Variants in ANKFN1 observed in about 807,000 individuals in gnomAD.
The protein encoded by ANKFN1 is ankyrin repeat and fibronectin type-III domain-containing protein 1.
In ANKFN1, 74 loss-of-function variants were observed where a neutral mutation model predicts 108.7. The observed-to-expected ratio is 0.68, with a 90% CI of 0.56 to 0.83. The LOEUF (loss-of-function observed/expected upper bound fraction) is 0.83. ANKFN1 is among the 40% of genes least tolerant of loss of function. The pLI is 0.00. For synonymous variants in ANKFN1, 547 were observed against 516.2 expected (o/e 1.06, Z -0.81); for missense variants, 1,505 against 1,382.3 (o/e 1.09, Z -1.41).
At chr17:56,383,960 CCT>C in intron 8 of ANKFN1, among the ~76,000 whole-genome samples, 2 of 152,292 alleles carry the variant, frequency 1.3e-5, no homozygotes, top group Middle Eastern at 6.8e-3. Flanking sequence ...AAGAGGGAAT[CCT>C]CTCTAAGTCA....
chr17:56,294,781 A>G (rs1302177191), intron 3 of ANKFN1, among the ~76,000 whole-genome samples: 4 of 152,204 alleles, frequency 2.6e-5, no homozygotes, highest in Non-Finnish European at 5.9e-5. Context: ...ACTAAATGCT[A>G]ATTCTAAACT....
intron 1 of ANKFN1, among the ~76,000 whole-genome samples, chr17:56,198,786 G>T (rs1322663541): frequency 1.3e-5 from 2 of 152,092 alleles, no homozygotes; most frequent in Non-Finnish European, 2.9e-5. Flanking sequence ...AGACACCTGG[G>T]TCTGTTTCTG....
At chr17:56,416,290 G>A (rs968311484) in intron 8 of ANKFN1, among the ~76,000 whole-genome samples, 6 of 152,210 alleles carry the variant, frequency 3.9e-5, no homozygotes, top group African/African-American at 1.2e-4. Context: ...GAAAATGTTT[G>A]CAAACTACCC....
At chr17:56,185,462 C>T (rs1912101144) in intron 1 of ANKFN1, among the ~76,000 whole-genome samples, 1 of 152,132 alleles carries the variant, frequency 6.6e-6, no homozygotes, top group Non-Finnish European at 1.5e-5. Flanking sequence ...TGTGGAAAAA[C>T]ATCCCTAAGA....
chr17:56,343,682 T>G (rs1353718166), intron 4 of ANKFN1, among the ~76,000 whole-genome samples: 2 of 151,940 alleles, frequency 1.3e-5, no homozygotes, highest in Admixed American at 6.6e-5. Context: ...TATACCTCTC[T>G]TCTTCTCCTG....
chr17:56,284,891 C>T (rs1441224017), intron 3 of ANKFN1, among the ~76,000 whole-genome samples: 2 of 152,068 alleles, frequency 1.3e-5, no homozygotes, highest in African/African-American at 4.8e-5. Context: ...TAAAGAAGAG[C>T]AGGAAAATTC....
At chr17:56,320,768 A>T (rs1271128249) in intron 3 of ANKFN1, among the ~76,000 whole-genome samples, 5 of 152,172 alleles carry the variant, frequency 3.3e-5, no homozygotes, top group African/African-American at 1.2e-4. Flanking sequence ...AAGTGTTTGT[A>T]ACCTCCTTTA....
At chr17:56,259,387 T>C (rs958215123) in intron 3 of ANKFN1, among the ~76,000 whole-genome samples, 1 of 152,192 alleles carries the variant, frequency 6.6e-6, no homozygotes. Flanking sequence ...TTAATGTATA[T>C]GATATGCCAA....
intron 4 of ANKFN1, among the ~76,000 whole-genome samples, chr17:56,065,655 G>A (rs1054521163): frequency 2.6e-5 from 4 of 152,174 alleles, no homozygotes; most frequent in African/African-American, 9.7e-5. Context: ...CCAAAGAGAG[G>A]AAGAGAGATG....
chr17:56,230,516 G>A (rs1414385902), intron 3 of ANKFN1, among the ~76,000 whole-genome samples: 1 of 151,998 alleles, frequency 6.6e-6, no homozygotes, highest in East Asian at 1.9e-4. Context: ...GGAGTCCTTG[G>A]GATTCTGGTG....
chr17:56,267,360 G>A (rs1279566938), intron 3 of ANKFN1, among the ~76,000 whole-genome samples: 1 of 152,136 alleles, frequency 6.6e-6, no homozygotes, highest in Non-Finnish European at 1.5e-5. Context: ...CCCCTTGGTA[G>A]TTGTCTGTTT....
At chr17:56,297,818 T>C (rs2044557571) in intron 3 of ANKFN1, among the ~76,000 whole-genome samples, 1 of 152,190 alleles carries the variant, frequency 6.6e-6, no homozygotes, top group African/African-American at 2.4e-5. Context: ...GGTAAAGAAA[T>C]ATGAAACCTC....
At chr17:56,367,315 G>A (rs1469530257) in intron 6 of ANKFN1, among the ~76,000 whole-genome samples, 1 of 152,218 alleles carries the variant, frequency 6.6e-6, no homozygotes, top group Non-Finnish European at 1.5e-5. Flanking sequence ...GCAAAGTTAA[G>A]AAACTGTAAG....
At chr17:56,422,341 C>CAAATATTTTGAT (rs11268734) in intron 8 of ANKFN1, among the ~76,000 whole-genome samples, 119,946 of 151,382 alleles carry the variant, frequency 0.79, 47,804 homozygotes, top group East Asian at 0.96. Context: ...GGTTTTATAC[C>CAAATATTTTGAT]AAATATTTTG....
At chr17:56,079,619 C>A (rs914668521) in intron 4 of ANKFN1, among the ~76,000 whole-genome samples, 1 of 152,152 alleles carries the variant, frequency 6.6e-6, no homozygotes, top group African/African-American at 2.4e-5. Flanking sequence ...GTCTAAGACT[C>A]TAACTATCAG....
chr17:56,053,628 T>C (rs894283364), intron 4 of ANKFN1, among the ~76,000 whole-genome samples: 2 of 152,190 alleles, frequency 1.3e-5, no homozygotes, highest in African/African-American at 4.8e-5. Context: ...AGTGCAGATA[T>C]CTTGAATGTA....
At position 56,499,005 on chromosome 17, in the gene ANKFN1, C is replaced by G; in HGVS notation, c.2551C>G (p.Leu851Val). ...KLIDPSDEQS[L>V]KKINSTSSSH... ...GATAGACCCCTCAGATGAGCAGAGCCTAAAGAAGATCAATTCTACATCATC... is the reference window on the plus strand; with the variant it reads ...GATAGACCCCTCAGATGAGCAGAGCGTAAAGAAGATCAATTCTACATCATC... The change falls in exon 20 of 21, where the codon CTA becomes GTA. Residue 851 changes from leucine to valine, a missense_variant. Leu to Val is a conservative substitution (Grantham distance 32, BLOSUM62 1). Coordinates refer to ENST00000682825, the MANE Select transcript of ANKFN1 (RefSeq NM_001370326.1). 6.5e-7 allele frequency: 1 copy of G among 1,535,712 alleles called. No individual in the cohort carries two copies. Among genetic ancestry groups the G allele is most frequent in the Non-Finnish European group, 8.7e-7 (1 of 1,146,646 alleles).
At chr17:56,430,881 C>A (rs2048732352) in intron 8 of ANKFN1, among the ~76,000 whole-genome samples, 1 of 152,076 alleles carries the variant, frequency 6.6e-6, no homozygotes. Flanking sequence ...TACCAGGACC[C>A]AATGTTGTCT....
At chr17:56,188,374 T>A (rs1354012473) in intron 1 of ANKFN1, among the ~76,000 whole-genome samples, 1 of 151,480 alleles carries the variant, frequency 6.6e-6, no homozygotes, top group East Asian at 1.9e-4. Flanking sequence ...TCTTCTTCCT[T>A]CTAGGGGGTT....
Sources: gnomAD v4.1 joint callset for allele counts (sites outside exome capture counted in the v4.1 genomes callset) on GRCh38, gnomAD v4.1.1 for gene constraint, MANE v1.5 for transcripts, NCBI Gene and HGNC (gene_info 2026-07-23, HGNC 2026-07-21) for gene names.